The following EGFR variants were observed in gnomAD, a reference collection of about 807,000 sequenced individuals.
EGFR encodes the protein avian erythroblastic leukemia viral (v-erb-b) oncogene homolog.
A neutral mutation model predicts 143.0 loss-of-function variants in EGFR; 58 were observed. The ratio of observed to expected loss-of-function variants is 0.41; its 90% CI spans 0.33 to 0.50. The LOEUF (loss-of-function observed/expected upper bound fraction) is 0.50. EGFR is among the 20% of genes least tolerant of loss of function. The pLI, the probability that EGFR is intolerant of heterozygous loss-of-function variation, is 0.39. For missense variants in EGFR, 1,307 were observed against 1,579.0 expected, an observed-to-expected ratio of 0.83 and a Z score of 2.92; for synonymous variants, 613 against 594.4, an observed-to-expected ratio of 1.03 and a Z score of -0.45.
Position 55,207,724 on chromosome 7 carries a change from C to G in EGFR, c.*2107C>G, listed in dbSNP as rs1788142774. 1 of 152,462 alleles carries G rather than the reference C, an allele frequency of 6.6e-6. No homozygotes were observed. The highest frequency in any genetic ancestry group is 2.1e-4 in the South Asian group (1 of 4,834). The allele number at this position is 152,462 out of a possible 1,614,324, so 9.4% of individuals were successfully genotyped here. On this transcript the variant is annotated 3_prime_UTR_variant, in exon 28 of 28. Coordinates refer to ENST00000275493, the MANE Select transcript of EGFR (RefSeq NM_005228.5). ...GGTCAGTCACCCTAAACAACCTGCT[C>G]CCTCTAAGCCAGGGGATGAGCTTGG... is the stretch of plus-strand genomic sequence containing the variant.
chr7:55,174,114 C>T (rs2128953933), intron 18 of EGFR, 71 bp downstream of exon 18: 1 of 1,597,542 alleles, frequency 6.3e-7, no homozygotes, highest in South Asian at 1.1e-5. Flanking sequence ...AGCCCAGAGT[C>T]CTTGCAAGCT....
intron 13 of EGFR, 52 bp downstream of exon 13, chr7:55,161,683 G>T: frequency 6.2e-7 from 1 of 1,613,836 alleles, no homozygotes; most frequent in Non-Finnish European, 8.5e-7. Flanking sequence ...TAAGGCTCCA[G>T]GTTGTTGTTA....
In EGFR at chr7:55,151,376, C is replaced by T. The variant is rs1785141272; in HGVS notation, c.628+14C>T. 1.2e-6 allele frequency: 2 copies of T among 1,613,932 alleles called. No homozygotes were observed. Among genetic ancestry groups the T allele is most frequent in the African/African-American group, 1.3e-5 (1 of 74,932 alleles). ...ACTGCCAGAAACGTAAGTCAGTGAA[C>T]AGCCTCAGACCCATGTGTGACCGCC... On this transcript the variant is annotated intron_variant, in intron 5 of 27. Coordinates refer to ENST00000275493, the MANE Select transcript of EGFR (RefSeq NM_005228.5).
chr7:55,170,464 C>T (rs2128950734), intron 15 of EGFR: 6 of 1,614,152 alleles, frequency 3.7e-6, no homozygotes, highest in Non-Finnish European at 5.1e-6. Flanking sequence ...GTCAGAGTTT[C>T]AGCTGGGTTG....
At chr7:55,125,601 C>T (rs1793476558) in intron 1 of EGFR, among the ~76,000 whole-genome samples, 2 of 152,222 alleles carry the variant, frequency 1.3e-5, no homozygotes, top group Admixed American at 1.3e-4. Flanking sequence ...ATTAAACTGT[C>T]TGTTTTGAGA....
At chr7:55,156,124 G>A (rs1047402657) in intron 8 of EGFR, among the ~76,000 whole-genome samples, 178 bp downstream of exon 8, 3 of 152,246 alleles carry the variant, frequency 2.0e-5, no homozygotes, top group African/African-American at 7.2e-5. Context: ...AGGCACTGAA[G>A]GTTGTGACGG....
intron 1 of EGFR, among the ~76,000 whole-genome samples, chr7:55,079,641 C>T (rs1790351054): frequency 6.6e-6 from 1 of 152,034 alleles, no homozygotes; most frequent in Non-Finnish European, 1.5e-5. Context: ...ATCGTGAAGA[C>T]AGGGTCCTTT....
At chr7:55,081,350 G>C (rs911933400) in intron 1 of EGFR, among the ~76,000 whole-genome samples, 1 of 152,154 alleles carries the variant, frequency 6.6e-6, no homozygotes, top group African/African-American at 2.4e-5. Flanking sequence ...TGCTGAGCAG[G>C]GTAACTGCAT....
chr7:55,160,098 T>C (rs376998461), intron 11 of EGFR, 41 bp from the exon 12 acceptor site: 3 of 1,609,754 alleles, frequency 1.9e-6, no homozygotes, highest in African/African-American at 2.7e-5. Context: ...ACATTGTTTT[T>C]ATAATTTTTC....
intron 23 of EGFR, among the ~76,000 whole-genome samples, chr7:55,199,269 TA>T (rs1398278207): frequency 6.6e-6 from 1 of 152,244 alleles, no homozygotes; most frequent in Non-Finnish European, 1.5e-5. Flanking sequence ...TGCTTTGACT[TA>T]AACCTTTTAA....
intron 1 of EGFR, among the ~76,000 whole-genome samples, chr7:55,119,650 C>T (rs549279955): frequency 2.6e-5 from 4 of 152,224 alleles, no homozygotes; most frequent in Non-Finnish European, 5.9e-5. Context: ...CTGTGGGATT[C>T]CCCTCGCTCT....
chr7:55,093,532 G>A (rs1791261051), intron 1 of EGFR, among the ~76,000 whole-genome samples: 1 of 152,174 alleles, frequency 6.6e-6, no homozygotes, highest in Non-Finnish European at 1.5e-5. Flanking sequence ...TAAACAGAAT[G>A]AGGACCTTCT....
intron 1 of EGFR, among the ~76,000 whole-genome samples, chr7:55,060,396 C>A (rs1488958319): frequency 6.6e-6 from 1 of 152,166 alleles, no homozygotes; most frequent in Non-Finnish European, 1.5e-5. Flanking sequence ...TCGCTGGATT[C>A]TTGTGGTAAA....
chr7:55,165,130 ACAG>A, intron 14 of EGFR, 147 bp from the exon 15 acceptor site: 1 of 1,134,014 alleles, frequency 8.8e-7, no homozygotes, highest in Non-Finnish European at 1.3e-6. Flanking sequence ...AGGTGCAATC[ACAG>A]AATAACTGGT....
intron 18 of EGFR, 142 bp from the exon 19 acceptor site, chr7:55,174,580 A>G (rs1031701778): frequency 1.3e-6 from 1 of 744,648 alleles, no homozygotes; most frequent in African/African-American, 1.7e-5. Flanking sequence ...CCCCAGCAAT[A>G]TCAGCCTTAG....
intron 22 of EGFR, among the ~76,000 whole-genome samples, chr7:55,195,101 A>T (rs963615823): frequency 6.6e-6 from 1 of 152,220 alleles, no homozygotes; most frequent in Non-Finnish European, 1.5e-5. Flanking sequence ...TCCCACTAGA[A>T]TTCATCATAC....
chr7:55,194,667 C>G (rs1286313144), intron 22 of EGFR, among the ~76,000 whole-genome samples: 1 of 152,228 alleles, frequency 6.6e-6, no homozygotes. Flanking sequence ...CCAGGCATAG[C>G]CTGTGTGTGC....
chr7:55,101,125 C>A (rs1791794361), intron 1 of EGFR, among the ~76,000 whole-genome samples: 1 of 152,198 alleles, frequency 6.6e-6, no homozygotes, highest in South Asian at 2.1e-4. Context: ...GCAAGGGCTG[C>A]CAGATGTGAA....
intron 1 of EGFR, among the ~76,000 whole-genome samples, chr7:55,020,296 C>G (rs530843190): frequency 9.2e-5 from 14 of 152,208 alleles, no homozygotes; most frequent in Non-Finnish European, 1.8e-4. Flanking sequence ...CTCGCGGAGA[C>G]GTCCGGGTCT....
Sources: gnomAD v4.1 joint callset for allele counts (sites outside exome capture counted in the v4.1 genomes callset) on GRCh38, gnomAD v4.1.1 for gene constraint, MANE v1.5 for transcripts, NCBI Gene and HGNC (gene_info 2026-07-23, HGNC 2026-07-21) for gene names.